The following SGCE variants were observed in gnomAD, a reference collection of about 807,000 sequenced individuals.
SGCE encodes the protein sarcoglycan epsilon.
SGCE carries 26 observed loss-of-function variants against 57.8 expected under a neutral mutation model. That is an observed-to-expected ratio of 0.45 (90% confidence interval 0.33 to 0.62). The LOEUF is 0.62. SGCE is among the 20% of genes least tolerant of loss of function. The pLI is 0.02. For synonymous variants in SGCE, 183 were observed against 189.5 expected, an observed-to-expected ratio of 0.97 and a Z score of 0.28; for missense variants, 468 against 548.6, an observed-to-expected ratio of 0.85 and a Z score of 1.47.
chr7:94,611,676 AT>A (rs918519089), intron 5 of SGCE, among the ~76,000 whole-genome samples: 57 of 152,300 alleles, frequency 3.7e-4, no homozygotes, highest in African/African-American at 1.3e-3. Context: ...TAAAGCTGTT[AT>A]TTTTTTAAAA....
At chr7:94,632,040 C>T (rs914840992) in intron 1 of SGCE, among the ~76,000 whole-genome samples, 7 of 151,840 alleles carry the variant, frequency 4.6e-5, no homozygotes, top group African/African-American at 7.3e-5. Context: ...ATACAAAGTA[C>T]GGCAGAGGTA....
intron 10 of SGCE, 81 bp from the exon 11 acceptor site, chr7:94,585,596 CAAG>C (rs1796784272): frequency 1.1e-6 from 1 of 895,264 alleles, no homozygotes; most frequent in Non-Finnish European, 1.9e-6. Context: ...CAAATTATGG[CAAG>C]GAGAAAGTTT....
intron 5 of SGCE, among the ~76,000 whole-genome samples, chr7:94,609,318 G>A (rs1800645278): frequency 6.6e-6 from 1 of 152,240 alleles, no homozygotes; most frequent in Non-Finnish European, 1.5e-5. Context: ...CTTGAGGCCA[G>A]GAGTTTGAGA....
At chr7:94,630,326 A>G (rs1019337653) in intron 1 of SGCE, among the ~76,000 whole-genome samples, 33 of 151,862 alleles carry the variant, frequency 2.2e-4, no homozygotes, top group African/African-American at 6.8e-4. Flanking sequence ...GTCAGACTAT[A>G]TAACACTATC....
At chr7:94,655,963 C>A in intron 1 of SGCE, 27 bp downstream of exon 1, 1 of 1,459,508 alleles carries the variant, frequency 6.9e-7, no homozygotes, top group Non-Finnish European at 9.6e-7. Flanking sequence ...GGCCCCGGGA[C>A]CTCCACGTCG....
chr7:94,596,504 G>A (rs1562795932), intron 9 of SGCE, among the ~76,000 whole-genome samples: 1 of 152,080 alleles, frequency 6.6e-6, no homozygotes, highest in Admixed American at 6.5e-5. Flanking sequence ...CTCAAACTGT[G>A]TTCTTTGAAG....
At chr7:94,614,107 C>CAAAAAAAAAAAAAAAAAAA in intron 5 of SGCE, among the ~76,000 whole-genome samples, 1 of 94,932 alleles carries the variant, frequency 1.1e-5, no homozygotes, top group Non-Finnish European at 2.0e-5. Flanking sequence ...AAATTGAAAT[C>CAAAAAAAAAAAAAAAAAAA]AAAAAAAAAA....
At chr7:94,620,402 G>A (rs757139353) in intron 4 of SGCE, 2 of 150,724 alleles carry the variant, frequency 1.3e-5, no homozygotes, top group African/African-American at 2.5e-5. Flanking sequence ...TTAATGTATA[G>A]CCCATCTGCA....
intron 9 of SGCE, 24 bp from the exon 10 acceptor site, chr7:94,588,756 G>A: frequency 1.2e-6 from 2 of 1,613,310 alleles, no homozygotes; most frequent in Non-Finnish European, 1.7e-6. Context: ...ACATTTTTGA[G>A]TAAAACTGTT....
chr7:94,585,445 G>T lies in SGCE; in HGVS notation c.*54C>A. ...TATTGGAAGAGAAAAGAAATGTGAT[G>T]TAACTGCTATATTGTCTGATTATAA... On this transcript the variant is annotated 3_prime_UTR_variant, in exon 11 of 11. Coordinates refer to ENST00000648936, the MANE Select transcript of SGCE (RefSeq NM_003919.3). 1 of 1,536,834 alleles carries T rather than the reference G, an allele frequency of 6.5e-7. No homozygotes were observed. The highest frequency in any genetic ancestry group is 9.0e-7 in the Non-Finnish European group (1 of 1,110,076).
At chr7:94,607,217 A>C (rs1800287830) in intron 5 of SGCE, among the ~76,000 whole-genome samples, 1 of 152,198 alleles carries the variant, frequency 6.6e-6, no homozygotes. Context: ...ATTCTACTAG[A>C]CATTTAAGGG....
At chr7:94,605,624 A>G (rs1799996592) in intron 5 of SGCE, among the ~76,000 whole-genome samples, 1 of 152,138 alleles carries the variant, frequency 6.6e-6, no homozygotes, top group African/African-American at 2.4e-5. Context: ...GATTGGTTAT[A>G]TATGTATATT....
chr7:94,637,322 A>G (rs539063388), intron 1 of SGCE, among the ~76,000 whole-genome samples: 2 of 152,350 alleles, frequency 1.3e-5, no homozygotes, highest in East Asian at 3.9e-4. Flanking sequence ...CTCCCTGTAT[A>G]AGGTATCTTG....
intron 5 of SGCE, among the ~76,000 whole-genome samples, chr7:94,614,683 G>A (rs772652127): frequency 6.6e-5 from 10 of 152,116 alleles, no homozygotes; most frequent in African/African-American, 9.7e-5. Context: ...GTGTAGAAAT[G>A]TAGTGAGAGA....
At position 94,639,428 on chromosome 7, in the gene SGCE, C is replaced by G. The variant is rs956447448; in HGVS notation, c.110-9587G>C. 3 of 1,532,774 alleles carry G rather than the reference C, an allele frequency of 2.0e-6. No individual in the cohort carries two copies. In the East Asian group the frequency reaches 7.3e-5, roughly 37 times the overall value. 94.9% of individuals were successfully genotyped at this position (1,532,774 alleles called of 1,614,324 possible). A position where few individuals can be genotyped will look rare whatever the true frequency, so the allele number is the denominator to read the frequency against. ...CAGTTAACTGTTCCATTTATGCCAT[C>G]AGCACAGCTTAATAAAAAAGCTTTT... On this transcript the variant is annotated intron_variant, in intron 1 of 10. Transcript: ENST00000648936.
chr7:94,624,443 T>C (rs1803377744), intron 3 of SGCE: 2 of 380,946 alleles, frequency 5.3e-6, no homozygotes, highest in African/African-American at 4.1e-5. Context: ...AAAAGGTATA[T>C]ATTTTGAAAG....
intron 9 of SGCE, among the ~76,000 whole-genome samples, chr7:94,593,897 G>A (rs1720469947): frequency 6.6e-6 from 1 of 151,940 alleles, no homozygotes; most frequent in South Asian, 2.1e-4. Flanking sequence ...TGATTATTAA[G>A]CCAGGAATTC....
chr7:94,619,507 C>T (rs1802440556), intron 4 of SGCE: 1 of 152,264 alleles, frequency 6.6e-6, no homozygotes, highest in Admixed American at 6.5e-5. Flanking sequence ...TGATTAACAT[C>T]TTAAAACAAC....
chr7:94,654,992 C>T (rs1476417970), intron 1 of SGCE, among the ~76,000 whole-genome samples: 1 of 152,220 alleles, frequency 6.6e-6, no homozygotes, highest in African/African-American at 2.4e-5. Flanking sequence ...CATCCTTCCT[C>T]ATCAGAATTT....
Sources: gnomAD v4.1 joint callset for allele counts (sites outside exome capture counted in the v4.1 genomes callset) on GRCh38, gnomAD v4.1.1 for gene constraint, MANE v1.5 for transcripts, NCBI Gene and HGNC (gene_info 2026-07-23, HGNC 2026-07-21) for gene names.